Variants in CHN2 observed in about 807,000 individuals in gnomAD.
The protein encoded by CHN2 is beta-chimaerin.
Under a neutral mutation model 56.3 loss-of-function variants are expected in CHN2, and 35 were observed. That is an observed-to-expected ratio of 0.62 (90% CI 0.47 to 0.82). The LOEUF (loss-of-function observed/expected upper bound fraction) is 0.82, where lower values mean the gene tolerates loss of function less well. CHN2 is among the 40% of genes least tolerant of loss of function. The pLI is 0.00. For synonymous variants in CHN2, 210 were observed against 212.8 expected, an observed-to-expected ratio of 0.99 and a Z score of 0.12; for missense variants, 491 against 580.5, an observed-to-expected ratio of 0.85 and a Z score of 1.58.
intron 1 of CHN2, among the ~76,000 whole-genome samples, chr7:29,322,082 T>C (rs1795402577): frequency 6.6e-6 from 1 of 152,196 alleles, no homozygotes; most frequent in African/African-American, 2.4e-5. Flanking sequence ...CCCAGAGAAT[T>C]ATCAACCCCT....
At chr7:29,376,230 C>T (rs896030905) in intron 3 of CHN2, 2 of 152,202 alleles carry the variant, frequency 1.3e-5, no homozygotes, top group African/African-American at 4.8e-5. Flanking sequence ...TGACAGCTAT[C>T]ACATATGGAG....
At chr7:29,165,736 T>G (rs367726365) in intron 2 of CHN2, among the ~76,000 whole-genome samples, 2 of 152,206 alleles carry the variant, frequency 1.3e-5, no homozygotes, top group Admixed American at 6.5e-5. Context: ...TTTTTTAAAT[T>G]TTTTCATCAT....
chr7:29,262,550 G>C (rs191662102), intron 1 of CHN2, among the ~76,000 whole-genome samples: 15 of 152,280 alleles, frequency 9.9e-5, no homozygotes, highest in Middle Eastern at 3.4e-3. Flanking sequence ...TGTTTTCTTT[G>C]TGTTGACTTC....
At chr7:29,317,260 T>A (rs1795019075) in intron 1 of CHN2, among the ~76,000 whole-genome samples, 1 of 152,194 alleles carries the variant, frequency 6.6e-6, no homozygotes, top group Admixed American at 6.5e-5. Flanking sequence ...AATTTAAAAG[T>A]CACTTGATGC....
Position 29,285,154 on chromosome 7 carries a change from C to T in CHN2, c.50-69471C>T, listed in dbSNP as rs180833385. Among the ~76,000 whole-genome samples, 24 of 152,326 alleles carry T rather than the reference C, an allele frequency of 1.6e-4. No individual in the cohort carries two copies. The East Asian group carries it at 4.4e-3, about 28-fold the overall frequency. ...CCACTGATCTGATCCAACAACTCATCTTTACATTTCCCTCTACAACATCCT... is the reference window on the plus strand; with the variant it reads ...CCACTGATCTGATCCAACAACTCATTTTTACATTTCCCTCTACAACATCCT... On this transcript the variant is annotated intron_variant, in intron 1 of 12. Transcript: ENST00000222792.
intron 1 of CHN2, among the ~76,000 whole-genome samples, chr7:29,283,920 C>CTTTTTT (rs1401342504): frequency 1.1e-5 from 1 of 88,460 alleles, no homozygotes; most frequent in African/African-American, 4.0e-5. Context: ...CCCAGCCAAG[C>CTTTTTT]TCTTTTTTTT....
intron 2 of CHN2, among the ~76,000 whole-genome samples, chr7:29,357,590 T>C (rs1256123244): frequency 2.0e-5 from 3 of 152,198 alleles, no homozygotes; most frequent in Non-Finnish European, 4.4e-5. Context: ...CAATGTACAA[T>C]CTAGTCAAGG....
At chr7:29,190,233 G>A (rs756034286), upstream of CHN2, among the ~76,000 whole-genome samples, 6 of 152,198 alleles carry the variant, frequency 3.9e-5, no homozygotes, top group Non-Finnish European at 8.8e-5. Flanking sequence ...AGAAATTGAT[G>A]GCAAAAGGAC....
chr7:29,172,937 C>A (rs887673762), intron 2 of CHN2, among the ~76,000 whole-genome samples: 1 of 151,890 alleles, frequency 6.6e-6, no homozygotes, highest in African/African-American at 2.4e-5. Flanking sequence ...TTGAGACCAG[C>A]GTGGCCAGTA....
intron 6 of CHN2, among the ~76,000 whole-genome samples, chr7:29,457,351 T>C (rs535933803): frequency 6.6e-6 from 1 of 152,234 alleles, no homozygotes; most frequent in South Asian, 2.1e-4. Context: ...CGTGACCTCC[T>C]TGGAAAGGGA....
intron 6 of CHN2, among the ~76,000 whole-genome samples, chr7:29,451,964 T>C (rs1402602558): frequency 1.3e-5 from 2 of 152,078 alleles, no homozygotes; most frequent in Non-Finnish European, 2.9e-5. Flanking sequence ...AGAAGGAAGG[T>C]CATCATGACC....
intron 1 of CHN2, among the ~76,000 whole-genome samples, chr7:29,234,832 TG>T (rs1456383537): frequency 2.0e-5 from 3 of 152,230 alleles, no homozygotes; most frequent in African/African-American, 7.2e-5. Flanking sequence ...AACATTAGCA[TG>T]ATGGTTATTT....
intron 6 of CHN2, among the ~76,000 whole-genome samples, chr7:29,439,328 G>A (rs1783461338): frequency 6.6e-6 from 1 of 152,132 alleles, no homozygotes; most frequent in South Asian, 2.1e-4. Context: ...AACTTTGCCT[G>A]GTATATAACA....
intron 1 of CHN2, among the ~76,000 whole-genome samples, chr7:29,329,844 G>T (rs4719968): frequency 0.91 from 138,528 of 152,304 alleles, 63,218 homozygotes; most frequent in East Asian, 1. Flanking sequence ...CAGGAACTGT[G>T]GCTTTTCAGA....
intron 1 of CHN2, among the ~76,000 whole-genome samples, chr7:29,231,468 C>G (rs1236847679): frequency 6.6e-6 from 1 of 152,232 alleles, no homozygotes; most frequent in Non-Finnish European, 1.5e-5. Flanking sequence ...CCCATCCCCA[C>G]CTTGTGTGCT....
At chr7:29,295,578 TAAAAAAA>T (rs200153739) in intron 1 of CHN2, among the ~76,000 whole-genome samples, 1 of 144,096 alleles carries the variant, frequency 6.9e-6, no homozygotes, top group Non-Finnish European at 1.5e-5. Context: ...CCCATCTATT[TAAAAAAA>T]AAAAAAATTA....
At chr7:29,391,308 A>AGAGG (rs1562569931) in intron 3 of CHN2, among the ~76,000 whole-genome samples, 3 of 126,142 alleles carry the variant, frequency 2.4e-5, no homozygotes, top group Non-Finnish European at 3.2e-5. Context: ...AGAAAAGGAG[A>AGAGG]GAGGGAGGGA....
At chr7:29,442,838 G>A (rs751198497) in intron 6 of CHN2, among the ~76,000 whole-genome samples, 18 of 151,638 alleles carry the variant, frequency 1.2e-4, no homozygotes, top group South Asian at 4.2e-4. Context: ...TTTTTTCAGC[G>A]ATTAATACCT....
chr7:29,503,328 G>A (rs779101892), intron 9 of CHN2, among the ~76,000 whole-genome samples: 1 of 152,212 alleles, frequency 6.6e-6, no homozygotes, highest in African/African-American at 2.4e-5. Flanking sequence ...AGCCTCACCA[G>A]AGGCCAGAAC....
Sources: gnomAD v4.1 joint callset for allele counts (sites outside exome capture counted in the v4.1 genomes callset) on GRCh38, gnomAD v4.1.1 for gene constraint, MANE v1.5 for transcripts, NCBI Gene and HGNC (gene_info 2026-07-23, HGNC 2026-07-21) for gene names.